The following CFAP61 variants were observed in gnomAD, a reference collection of about 807,000 sequenced individuals.
CFAP61 encodes cilia- and flagella-associated protein 61.
A neutral mutation model predicts 135.6 loss-of-function variants in CFAP61; 107 were observed. The observed-to-expected ratio is 0.79, with a 90% CI of 0.67 to 0.93. The LOEUF (loss-of-function observed/expected upper bound fraction) is 0.93. Ranked by LOEUF, CFAP61 falls within the 40% of genes least tolerant of loss-of-function variation. The pLI is 0.00. For synonymous variants in CFAP61, 575 were observed against 578.5 expected, an observed-to-expected ratio of 0.99 and a Z score of 0.09; for missense variants, 1,507 against 1,556.2, an observed-to-expected ratio of 0.97 and a Z score of 0.53.
At chr20:20,076,843 G>A (rs926249701) in intron 6 of CFAP61, among the ~76,000 whole-genome samples, 2 of 152,162 alleles carry the variant, frequency 1.3e-5, no homozygotes, top group Non-Finnish European at 2.9e-5. Context: ...TCCTGCTCAC[G>A]AGGTGGGTTA....
intron 25 of CFAP61, among the ~76,000 whole-genome samples, chr20:20,326,931 A>G (rs2057770673): frequency 6.6e-6 from 1 of 152,132 alleles, no homozygotes; most frequent in Non-Finnish European, 1.5e-5. Flanking sequence ...AGGTCTTTTT[A>G]AATTTTCTTC....
Position 20,348,689 on chromosome 20 carries a change from C to CAAAAAAAAAA in CFAP61, c.3513+6781_3513+6790dup, listed in dbSNP as rs71198052. On this transcript the variant is annotated intron_variant, in intron 26 of 26. Coordinates refer to ENST00000245957, the MANE Select transcript of CFAP61 (RefSeq NM_015585.4). ...TGGGCAATAGAGCAAGACTCCGTAT[C>CAAAAAAAAAA]AAAAAAAAAAAAAAAAAAAAAAGAA... Among the ~76,000 whole-genome samples, 61 of 53,182 alleles carry CAAAAAAAAAA rather than the reference C, an allele frequency of 1.1e-3. 1 individual carries two copies. The highest frequency in any genetic ancestry group is 2.4e-3 in the African/African-American group (32 of 13,582). The allele number at this position is 53,182 out of a possible 152,430, so 34.9% of individuals were successfully genotyped here.
At chr20:20,059,818 A>C (rs2044662875) in intron 2 of CFAP61, among the ~76,000 whole-genome samples, 1 of 152,114 alleles carries the variant, frequency 6.6e-6, no homozygotes, top group African/African-American at 2.4e-5. Context: ...AGAGCTCAAC[A>C]CAAAGAGAAA....
chr20:20,196,517 A>G, intron 15 of CFAP61, 53 bp from the exon 16 acceptor site: 1 of 1,303,426 alleles, frequency 7.7e-7, no homozygotes, highest in Non-Finnish European at 1.1e-6. Flanking sequence ...CACAAAATGC[A>G]TGCCGTTTGT....
intron 7 of CFAP61, among the ~76,000 whole-genome samples, chr20:20,095,054 TAAAAC>T (rs903677590): frequency 1.3e-5 from 2 of 152,218 alleles, no homozygotes; most frequent in African/African-American, 4.8e-5. Context: ...TAAATTATAT[TAAAAC>T]AAAGTTAATA....
Position 20,056,507 on chromosome 20 carries a change from G to A in CFAP61, c.-36-111G>A, listed in dbSNP as rs748098573. Reference sequence around the variant, plus strand: ...TCACAGACTACACCCAGGGGAAAACGTGTCACACCAGTATTCTCACACCAT... The same window carrying A: ...TCACAGACTACACCCAGGGGAAAACATGTCACACCAGTATTCTCACACCAT... On this transcript the variant is annotated intron_variant, in intron 1 of 26. Coordinates refer to ENST00000245957, the MANE Select transcript of CFAP61 (RefSeq NM_015585.4). 7.6e-5 allele frequency: 55 copies of A among 719,864 alleles called. No homozygotes were observed. The Middle Eastern group carries it at 1.6e-3, about 21-fold the overall frequency. 44.6% of individuals were successfully genotyped at this position (719,864 alleles called of 1,614,324 possible).
At chr20:20,056,501 G>T (rs2044344970) in intron 1 of CFAP61, 117 bp from the exon 2 acceptor site, 1 of 698,148 alleles carries the variant, frequency 1.4e-6, no homozygotes, top group South Asian at 1.9e-5. Flanking sequence ...ACACCCAGGG[G>T]AAAACGTGTC....
At chr20:20,220,652 G>C (rs909383310) in intron 17 of CFAP61, among the ~76,000 whole-genome samples, 1 of 152,134 alleles carries the variant, frequency 6.6e-6, no homozygotes, top group Non-Finnish European at 1.5e-5. Flanking sequence ...TCACACATTT[G>C]GCATCACAAG....
chr20:20,343,713 A>T (rs934179612), intron 26 of CFAP61, among the ~76,000 whole-genome samples: 1 of 152,158 alleles, frequency 6.6e-6, no homozygotes, highest in Non-Finnish European at 1.5e-5. Flanking sequence ...AAGTGATCCC[A>T]TCAAAACTCT....
At chr20:20,123,299 T>C (rs2049815551) in intron 8 of CFAP61, among the ~76,000 whole-genome samples, 2 of 151,930 alleles carry the variant, frequency 1.3e-5, no homozygotes, top group East Asian at 3.9e-4. Flanking sequence ...TTTATCTTTG[T>C]TTTTATTGCA....
At chr20:20,144,969 G>T (rs1177002861) in intron 9 of CFAP61, among the ~76,000 whole-genome samples, 1 of 152,092 alleles carries the variant, frequency 6.6e-6, no homozygotes, top group Non-Finnish European at 1.5e-5. Context: ...TAAAGAGTTT[G>T]CCCTACACAG....
At chr20:20,297,426 C>T (rs1369374635) in intron 24 of CFAP61, among the ~76,000 whole-genome samples, 2 of 152,204 alleles carry the variant, frequency 1.3e-5, no homozygotes, top group African/African-American at 4.8e-5. Flanking sequence ...CCACAAAACT[C>T]ATGTTTGTCT....
intron 8 of CFAP61, among the ~76,000 whole-genome samples, chr20:20,111,534 T>C (rs939376684): frequency 9.2e-5 from 14 of 152,220 alleles, no homozygotes; most frequent in Non-Finnish European, 4.4e-5. Flanking sequence ...TCCTTAAAGC[T>C]ATCATTCTCA....
intron 8 of CFAP61, among the ~76,000 whole-genome samples, chr20:20,124,006 A>G (rs1183295830): frequency 1.3e-5 from 1 of 79,038 alleles, no homozygotes; most frequent in East Asian, 2.4e-4. Context: ...ATGCTATTAT[A>G]AAAGGGGTTG....
chr20:20,108,943 C>T (rs1433324034), intron 8 of CFAP61, among the ~76,000 whole-genome samples: 1 of 152,194 alleles, frequency 6.6e-6, no homozygotes, highest in Non-Finnish European at 1.5e-5. Context: ...CTGAGGATGT[C>T]CTTTGTGGCA....
rs565732191 is a variant in CFAP61 at position 20,125,747 on chromosome 20, T to C, written c.860-17110T>C. Among the ~76,000 whole-genome samples the C allele has an allele frequency of 5.9e-5, 9 of 151,822 alleles. 1 individual carries two copies. Among genetic ancestry groups the C allele is most frequent in the African/African-American group, 1.5e-4 (6 of 41,218 alleles). On this transcript the variant is annotated intron_variant, in intron 8 of 26. Transcript: ENST00000245957. ...TGTTAAGTCCATTTGTTCTAAGATA[T>C]AGGTTAAATCCATTGCTTCTTTGTT...
At chr20:20,282,601 T>A (rs1348289587) in intron 22 of CFAP61, among the ~76,000 whole-genome samples, 1 of 152,242 alleles carries the variant, frequency 6.6e-6, no homozygotes, top group Non-Finnish European at 1.5e-5. Flanking sequence ...ATTATATTTT[T>A]AATTGATTTC....
At chr20:20,095,066 A>G (rs1399490272) in intron 7 of CFAP61, among the ~76,000 whole-genome samples, 1 of 152,260 alleles carries the variant, frequency 6.6e-6, no homozygotes, top group Non-Finnish European at 1.5e-5. Context: ...AAACAAAGTT[A>G]ATAAATACTT....
chr20:20,230,639 G>A (rs1387467276), intron 18 of CFAP61, among the ~76,000 whole-genome samples: 3 of 151,930 alleles, frequency 2.0e-5, no homozygotes, highest in African/African-American at 4.8e-5. Flanking sequence ...TACAACCTCC[G>A]CCTCCCCCCA....
Sources: allele counts gnomAD v4.1 joint callset (sites outside exome capture counted in the v4.1 genomes callset), GRCh38; gene constraint gnomAD v4.1.1; transcripts MANE v1.5; gene names NCBI Gene and HGNC (gene_info 2026-07-23, HGNC 2026-07-21).